The following FBN2 variants were observed in gnomAD, a reference collection of about 807,000 sequenced individuals.
FBN2 encodes the protein fibrillin 2.
In FBN2, 105 loss-of-function variants were observed where a neutral mutation model predicts 355.6. The ratio of observed to expected loss-of-function variants is 0.30; its 90% CI spans 0.25 to 0.35. The LOEUF (loss-of-function observed/expected upper bound fraction) is 0.35, where lower values mean the gene tolerates loss of function less well. Ranked by LOEUF, FBN2 falls within the 10% of genes least tolerant of loss-of-function variation. The pLI is 1.00. For synonymous variants in FBN2, 1,350 were observed against 1,301.2 expected, an observed-to-expected ratio of 1.04 and a Z score of -0.81; for missense variants, 3,280 against 3,758.7, an observed-to-expected ratio of 0.87 and a Z score of 3.33.
chr5:128,347,923 C>T (rs1198715654), intron 23 of FBN2, among the ~76,000 whole-genome samples: 1 of 151,988 alleles, frequency 6.6e-6, no homozygotes, highest in Non-Finnish European at 1.5e-5. Flanking sequence ...GGATTACAGG[C>T]ATGCATCACC....
chr5:128,537,220 G>A, intron 1 of FBN2, 130 bp downstream of exon 1: 1 of 1,440,170 alleles, frequency 6.9e-7, no homozygotes, highest in Non-Finnish European at 9.2e-7. Context: ...TGGATATTCT[G>A]GCAAAGGGGG....
chr5:128,363,120 A>G (rs1423372239), intron 18 of FBN2, among the ~76,000 whole-genome samples: 2 of 152,124 alleles, frequency 1.3e-5, no homozygotes, highest in Admixed American at 1.3e-4. Context: ...ATATGTGTAC[A>G]AATTGTGACT....
intron 36 of FBN2, among the ~76,000 whole-genome samples, chr5:128,316,262 CGTT>C (rs1750198131): frequency 6.6e-6 from 1 of 152,126 alleles, no homozygotes; most frequent in Admixed American, 6.5e-5. Flanking sequence ...TTCCACTTCT[CGTT>C]ATTTTACTCT....
Position 128,335,175 on chromosome 5 carries a change from C to T in FBN2, c.3968G>A (p.Cys1323Tyr). 1 of 1,614,082 alleles carries T rather than the reference C, an allele frequency of 6.2e-7. No individual in the cohort carries two copies. Among genetic ancestry groups the T allele is most frequent in the Non-Finnish European group, 8.5e-7 (1 of 1,180,006 alleles). Reference sequence around the variant, plus strand: ...TCCTTTCTTATGATACCCACCAATGCATGTTTTCATGTCCATGGAAGCCAT... The same window carrying T: ...TCCTTTCTTATGATACCCACCAATGTATGTTTTCATGTCCATGGAAGCCAT... ...GFMASMDMKTCIDVNECDLNS... is the reference protein window; with the variant it reads ...GFMASMDMKTYIDVNECDLNS... Residue 1323 changes from cysteine to tyrosine, a missense_variant, in exon 30 of 65, where the codon TGC becomes TAC. Cys to Tyr is a radical substitution (Grantham distance 194). Around this residue, in one of 6 missense-constraint regions of FBN2, gnomAD observed 2,284 missense variants for 2,749.5 expected, o/e 0.83. Transcript: ENST00000262464.
intron 36 of FBN2, among the ~76,000 whole-genome samples, chr5:128,313,411 C>T (rs1368660747): frequency 1.3e-5 from 2 of 152,142 alleles, no homozygotes; most frequent in Non-Finnish European, 1.5e-5. Context: ...TTCTCTTAAA[C>T]ATCTAATAAT....
chr5:128,305,419 A>G (rs1390113287), intron 44 of FBN2, 92 bp downstream of exon 44: 2 of 1,455,372 alleles, frequency 1.4e-6, no homozygotes, highest in Middle Eastern at 1.7e-4. Context: ...AAGTGAGAAA[A>G]TCTTTCCCAA....
chr5:128,365,362 G>A (rs904095624), intron 17 of FBN2: 14 of 152,330 alleles, frequency 9.2e-5, no homozygotes, highest in Admixed American at 7.2e-4. Flanking sequence ...GTTTCCAATA[G>A]AGGCTGGCTC....
chr5:128,497,506 C>T (rs1755687870), intron 5 of FBN2, among the ~76,000 whole-genome samples: 1 of 152,184 alleles, frequency 6.6e-6, no homozygotes, highest in East Asian at 1.9e-4. Flanking sequence ...TCGTAACACT[C>T]AAGAAAGTGG....
chr5:128,481,593 A>G (rs1755190301), intron 5 of FBN2, among the ~76,000 whole-genome samples: 2 of 152,214 alleles, frequency 1.3e-5, no homozygotes, highest in Non-Finnish European at 2.9e-5. Context: ...CCAGATACAG[A>G]AAAACATTCT....
At chr5:128,287,623 T>TA (rs1561749206) in intron 53 of FBN2, among the ~76,000 whole-genome samples, 193 bp from the exon 54 acceptor site, 6 of 152,130 alleles carry the variant, frequency 3.9e-5, no homozygotes, top group African/African-American at 1.4e-4. Flanking sequence ...GGAAAGAATA[T>TA]AAAAAGTACC....
At chr5:128,455,874 C>A (rs977411025) in intron 6 of FBN2, among the ~76,000 whole-genome samples, 1 of 151,724 alleles carries the variant, frequency 6.6e-6, no homozygotes, top group Admixed American at 6.6e-5. Context: ...ATTATTACAG[C>A]CTCTGAGCAG....
At position 128,464,782 on chromosome 5, in the gene FBN2, G is replaced by A; in HGVS notation, c.768C>T (p.Ala256=). The change falls in exon 6 of 65, where the codon GCC becomes GCT. Residue 256 remains alanine, a synonymous_variant. Transcript: ENST00000262464. ...AWGHPCEMCP[A]QPQPCRRGFI... ...AACCCCGTCGGCAGGGCTGAGGCTG[G>A]GCTGGACACATCTCACAGGGATGGC... 3 of 1,614,178 alleles carry A rather than the reference G, an allele frequency of 1.9e-6. No homozygotes were observed. The highest frequency in any genetic ancestry group is 2.2e-5 in the South Asian group (2 of 91,084).
At chr5:128,336,360 T>C (rs1270110961) in intron 27 of FBN2, among the ~76,000 whole-genome samples, 1 of 152,238 alleles carries the variant, frequency 6.6e-6, no homozygotes, top group Non-Finnish European at 1.5e-5. Context: ...CACAGCTGCA[T>C]GTGCTACTGA....
At chr5:128,510,836 A>G (rs1561491661) in intron 5 of FBN2, among the ~76,000 whole-genome samples, 1 of 152,126 alleles carries the variant, frequency 6.6e-6, no homozygotes, top group African/African-American at 2.4e-5. Context: ...GTGGAAATAC[A>G]TTATTTTTGC....
intron 4 of FBN2, among the ~76,000 whole-genome samples, chr5:128,525,226 C>T (rs1376445704): frequency 6.6e-6 from 1 of 152,120 alleles, no homozygotes; most frequent in Non-Finnish European, 1.5e-5. Flanking sequence ...TTTCATTTTT[C>T]CCTCTACAGA....
intron 6 of FBN2, among the ~76,000 whole-genome samples, chr5:128,464,148 C>G (rs770741123): frequency 2.6e-5 from 4 of 152,166 alleles, no homozygotes; most frequent in Non-Finnish European, 5.9e-5. Context: ...GGGCCCTGAT[C>G]TGGCCCTAAT....
intron 5 of FBN2, among the ~76,000 whole-genome samples, chr5:128,517,916 A>G (rs1756323736): frequency 6.6e-6 from 1 of 152,236 alleles, no homozygotes; most frequent in Admixed American, 6.5e-5. Flanking sequence ...TGTAAATAAC[A>G]ATGAATGATT....
intron 63 of FBN2, 87 bp downstream of exon 63, chr5:128,263,337 AC>A: frequency 2.0e-6 from 2 of 1,014,258 alleles, no homozygotes; most frequent in Non-Finnish European, 3.1e-6. Context: ...GCTTTTAGAC[AC>A]TGTACTCTTC....
rs540929377 is a variant in FBN2, at chr5:128,453,497, T to A, written c.827-6891A>T. Reference sequence around the variant, plus strand: ...CCTATAACTGATGCTCCACAAAGCATCATTGCTTTAAATTTCCATTAAAAA... The same window carrying A: ...CCTATAACTGATGCTCCACAAAGCAACATTGCTTTAAATTTCCATTAAAAA... On this transcript the variant is annotated intron_variant, in intron 6 of 64. Coordinates refer to ENST00000262464, the MANE Select transcript of FBN2 (RefSeq NM_001999.4). Among the ~76,000 whole-genome samples, 12 of 152,376 alleles carry A rather than the reference T, an allele frequency of 7.9e-5. 2 individuals carry two copies. In the South Asian group the frequency reaches 2.3e-3, roughly 29 times the overall value.
Sources: allele counts gnomAD v4.1 joint callset (sites outside exome capture counted in the v4.1 genomes callset), GRCh38; gene constraint gnomAD v4.1.1; regional missense constraint gnomAD v4.1.1; transcripts MANE v1.5; gene names NCBI Gene and HGNC (gene_info 2026-07-23, HGNC 2026-07-21).